Variants in PHACTR3 observed in about 807,000 individuals in gnomAD.
PHACTR3 encodes the protein protein phosphatase 1, regulatory subunit 123.
Under a neutral mutation model 66.8 loss-of-function variants are expected in PHACTR3, and 16 were observed. That is an observed-to-expected ratio of 0.24 (90% CI 0.16 to 0.36). PHACTR3 has a LOEUF of 0.36. Among genes scored for constraint, PHACTR3 ranks in the 10% least tolerant of loss-of-function variants. PHACTR3 has a pLI of 1.00. For missense variants in PHACTR3, 647 were observed against 719.9 expected (o/e 0.90, Z 1.16); for synonymous variants, 323 against 292.1 (o/e 1.11, Z -1.08).
At chr20:59,626,631 A>G (rs1248405625) in intron 1 of PHACTR3, 1 of 152,420 alleles carries the variant, frequency 6.6e-6, no homozygotes. Context: ...CACAATGCCA[A>G]GAGGTGGCCA....
intron 1 of PHACTR3, among the ~76,000 whole-genome samples, chr20:59,717,778 G>A (rs2038148173): frequency 6.6e-6 from 1 of 152,212 alleles, no homozygotes; most frequent in Non-Finnish European, 1.5e-5. Flanking sequence ...TATTCCTCCA[G>A]AATGGCATTT....
At chr20:59,619,743 G>A (rs1378840719) in intron 1 of PHACTR3, among the ~76,000 whole-genome samples, 1 of 152,198 alleles carries the variant, frequency 6.6e-6, no homozygotes, top group Non-Finnish European at 1.5e-5. Context: ...ATACGGGGAG[G>A]GAAGTTTATT....
chr20:59,821,821 A>T (rs544982611), intron 8 of PHACTR3, among the ~76,000 whole-genome samples: 2 of 152,016 alleles, frequency 1.3e-5, no homozygotes, highest in East Asian at 1.9e-4. Context: ...CGGGGAATTT[A>T]AAAATGCCCC....
chr20:59,773,342 T>C lies in PHACTR3; in HGVS notation c.815T>C (p.Leu272Pro). Residue 272 changes from leucine to proline, a missense_variant, in exon 6 of 13, where the codon CTC becomes CCC. Physicochemically the swap from Leu to Pro is moderately conservative, Grantham distance 98 (BLOSUM62 -3). Around this residue, in one of 2 missense-constraint regions of PHACTR3, gnomAD observed 577 missense variants for 571.1 expected, o/e 1.01. Transcript: ENST00000371015. ...GCCGACCCTTCCCTCCGGGGCCAGC[T>C]CTCCACACCCACGGGGTCTCCGCAT... is the stretch of plus-strand genomic sequence containing the variant. ...KSADPSLRGQ[L>P]STPTGSPHLT... The C allele has an allele frequency of 1.2e-6, 2 of 1,614,046 alleles. No homozygotes were observed. The highest frequency in any genetic ancestry group is 1.1e-5 in the South Asian group (1 of 91,080).
At position 59,748,449 on chromosome 20, in the gene PHACTR3, T is replaced by C. The variant is rs559248683; in HGVS notation, c.358+614T>C. Among the ~76,000 whole-genome samples, 5 of 152,312 alleles carry C rather than the reference T, an allele frequency of 3.3e-5. No homozygotes were observed. The South Asian group carries it at 1.0e-3, about 32-fold the overall frequency. On this transcript the variant is annotated intron_variant, in intron 3 of 12. Transcript: ENST00000371015. ...CACAGAACAAATCCTGATCTCTTGGTCTCTGGTCTAGAGAGCTTAATCTCA... is the reference window on the plus strand; with the variant it reads ...CACAGAACAAATCCTGATCTCTTGGCCTCTGGTCTAGAGAGCTTAATCTCA...
intron 11 of PHACTR3, 131 bp from the exon 12 acceptor site, chr20:59,845,058 A>C: frequency 1.7e-6 from 1 of 572,144 alleles, no homozygotes; most frequent in East Asian, 3.1e-5. Context: ...GAACCAAAAA[A>C]TTGTTTGTTT....
intron 1 of PHACTR3, among the ~76,000 whole-genome samples, chr20:59,659,769 GCT>G (rs2035749479): frequency 6.6e-6 from 1 of 152,084 alleles, no homozygotes; most frequent in African/African-American, 2.4e-5. Context: ...CATAGCTTAG[GCT>G]CTGAGCACTG....
chr20:59,695,567 A>C (rs911138102), intron 1 of PHACTR3, among the ~76,000 whole-genome samples: 1 of 152,182 alleles, frequency 6.6e-6, no homozygotes, highest in South Asian at 2.1e-4. Flanking sequence ...GGACTAATAC[A>C]ACCACTTCTG....
chr20:59,579,949 G>T (rs73138881), intron 1 of PHACTR3, among the ~76,000 whole-genome samples: 5,658 of 152,232 alleles, frequency 0.037, 175 homozygotes, highest in Middle Eastern at 0.065. Flanking sequence ...CACTTTCCGT[G>T]GGAGAGGGGA....
rs114312723 is a variant in PHACTR3, at chr20:59,745,951, G to A, written c.281-1807G>A. On this transcript the variant is annotated intron_variant, in intron 2 of 12. Transcript: ENST00000371015. ...TCTGAGGCTAGCCACCATGAGCACC[G>A]CCTGGTGCCGGCCTGGGGACGGGGT... Among the ~76,000 whole-genome samples, 709 of 152,328 alleles carry A rather than the reference G, an allele frequency of 4.7e-3. 7 individuals carry two copies. Among genetic ancestry groups the A allele is most frequent in the African/African-American group, 0.016 (670 of 41,580 alleles).
intron 1 of PHACTR3, among the ~76,000 whole-genome samples, chr20:59,658,947 A>G (rs1316677028): frequency 6.8e-6 from 1 of 146,226 alleles, no homozygotes; most frequent in Admixed American, 6.8e-5. Context: ...TTTCATGCTT[A>G]CTTGTCTTTT....
At chr20:59,665,959 G>A (rs1377439747) in intron 1 of PHACTR3, among the ~76,000 whole-genome samples, 2 of 152,176 alleles carry the variant, frequency 1.3e-5, no homozygotes, top group Admixed American at 1.3e-4. Flanking sequence ...TGGCTAAGGA[G>A]ACTGAAGCCA....
At chr20:59,707,384 G>A (rs2037745874) in intron 1 of PHACTR3, among the ~76,000 whole-genome samples, 1 of 151,972 alleles carries the variant, frequency 6.6e-6, no homozygotes, top group Non-Finnish European at 1.5e-5. Context: ...CCTCCCCATG[G>A]TGATGAGTTC....
At chr20:59,716,689 A>G (rs1288941554) in intron 1 of PHACTR3, among the ~76,000 whole-genome samples, 2 of 152,224 alleles carry the variant, frequency 1.3e-5, no homozygotes, top group Non-Finnish European at 2.9e-5. Context: ...TTACATGTTC[A>G]TAATTCACAC....
At chr20:59,737,668 G>A (rs2039001099) in intron 1 of PHACTR3, among the ~76,000 whole-genome samples, 1 of 152,150 alleles carries the variant, frequency 6.6e-6, no homozygotes, top group South Asian at 2.1e-4. Context: ...CACATGGGGT[G>A]AGCCAGGACT....
chr20:59,785,511 G>GGCAGGA (rs1174981722), intron 7 of PHACTR3, among the ~76,000 whole-genome samples: 2 of 152,212 alleles, frequency 1.3e-5, no homozygotes, highest in Non-Finnish European at 2.9e-5. Context: ...GCTGGGGAGT[G>GGCAGGA]GGGATGGTGC....
intron 3 of PHACTR3, among the ~76,000 whole-genome samples, chr20:59,751,198 CCGGCTT>C (rs2039567815): frequency 7.1e-6 from 1 of 141,662 alleles, no homozygotes; most frequent in African/African-American, 3.1e-5. Context: ...GGTTAAGGAA[CCGGCTT>C]CAGGGTTAAG....
intron 1 of PHACTR3, among the ~76,000 whole-genome samples, chr20:59,702,703 A>T (rs1222378159): frequency 4.6e-5 from 7 of 152,210 alleles, no homozygotes; most frequent in Non-Finnish European, 1.0e-4. Context: ...TATTTGCTGG[A>T]TAAGTAAGTG....
intron 4 of PHACTR3, among the ~76,000 whole-genome samples, chr20:59,764,608 G>T (rs1012994472): frequency 6.6e-6 from 1 of 152,172 alleles, no homozygotes; most frequent in Non-Finnish European, 1.5e-5. Flanking sequence ...GAAGGGGGCG[G>T]ATGCTGGATA....
Sources: gnomAD v4.1 joint callset for allele counts (sites outside exome capture counted in the v4.1 genomes callset) on GRCh38, gnomAD v4.1.1 for gene constraint, gnomAD v4.1.1 regional missense constraint, MANE v1.5 for transcripts, NCBI Gene and HGNC (gene_info 2026-07-23, HGNC 2026-07-21) for gene names.